Variants in GLIS3 observed in about 807,000 individuals in gnomAD.
The protein encoded by GLIS3 is zinc finger protein GLIS3.
GLIS3 carries 53 observed loss-of-function variants against 78.6 expected under a neutral mutation model. That is an observed-to-expected ratio of 0.67 (90% CI 0.54 to 0.85). The LOEUF (loss-of-function observed/expected upper bound fraction) is 0.85, where lower values mean the gene tolerates loss of function less well. Among genes scored for constraint, GLIS3 ranks in the 40% least tolerant of loss-of-function variants. The pLI, the probability that GLIS3 is intolerant of heterozygous loss-of-function variation, is 0.00. For synonymous variants in GLIS3, 684 were observed against 509.9 expected (o/e 1.34, Z -4.60); for missense variants, 1,703 against 1,231.1 (o/e 1.38, Z -5.74).
chr9:4,440,896 T>A, the GLIS3 span, among the ~76,000 whole-genome samples: 3 of 152,198 alleles, frequency 2.0e-5, no homozygotes, highest in Admixed American at 2.0e-4. Flanking sequence ...AATTTATTTC[T>A]AGTTATTTTT....
chr9:4,226,761 G>A (rs1821803928), intron 2 of GLIS3, among the ~76,000 whole-genome samples: 1 of 152,184 alleles, frequency 6.6e-6, no homozygotes, highest in Admixed American at 6.5e-5. Context: ...AAATGAGTAA[G>A]GAGTAACAAT....
intron 8 of GLIS3, among the ~76,000 whole-genome samples, chr9:3,873,235 C>T (rs184502782): frequency 6.6e-5 from 10 of 152,290 alleles, no homozygotes; most frequent in African/African-American, 2.4e-4. Flanking sequence ...TTCCATGAGG[C>T]CAGCATCACC....
At chr9:4,463,917 G>C in the GLIS3 span, among the ~76,000 whole-genome samples, 5 of 152,134 alleles carry the variant, frequency 3.3e-5, no homozygotes, top group African/African-American at 1.2e-4. Context: ...CCATGAGTGA[G>C]AACTGAGTGA....
intron 2 of GLIS3, among the ~76,000 whole-genome samples, chr9:4,162,761 G>A (rs1344611882): frequency 6.6e-6 from 1 of 150,702 alleles, no homozygotes; most frequent in South Asian, 2.1e-4. Flanking sequence ...GGAGGCTGAG[G>A]CAGAAGAATG....
intron 2 of GLIS3, among the ~76,000 whole-genome samples, chr9:4,166,452 A>T (rs80334230): frequency 0.022 from 3,369 of 152,306 alleles, 125 homozygotes; most frequent in African/African-American, 0.077. Flanking sequence ...ATGATATTTG[A>T]TCACTTAAGA....
chr9:3,992,597 T>C (rs17753622), intron 4 of GLIS3, among the ~76,000 whole-genome samples: 3,196 of 152,332 alleles, frequency 0.021, 60 homozygotes, highest in South Asian at 0.03. Flanking sequence ...ATTTCCATTA[T>C]TAAGGAGTAA....
At chr9:4,342,172 A>G (rs1046627713) in intron 2 of GLIS3, among the ~76,000 whole-genome samples, 6 of 152,214 alleles carry the variant, frequency 3.9e-5, no homozygotes, top group Non-Finnish European at 8.8e-5. Flanking sequence ...GTCAAGGCCT[A>G]TGTCCAGAAT....
rs535073721 is a variant in GLIS3 at position 3,922,544 on chromosome 9, T to C, written c.1983+9816A>G. On this transcript the variant is annotated intron_variant, in intron 6 of 10. Transcript: ENST00000381971. ...ATGATATAACAACACTGCTACTACC[T>C]GGCTTATTTATATTTTTTCTACAGG... Among the ~76,000 whole-genome samples, 13 of 152,296 alleles carry C rather than the reference T, an allele frequency of 8.5e-5. No individual in the cohort carries two copies. In the South Asian group the frequency reaches 2.7e-3, roughly 32 times the overall value.
At chr9:4,107,089 A>C (rs1282530626) in intron 4 of GLIS3, among the ~76,000 whole-genome samples, 2 of 152,176 alleles carry the variant, frequency 1.3e-5, no homozygotes, top group Non-Finnish European at 2.9e-5. Flanking sequence ...ACTGGAAAGA[A>C]AAAAAATAAA....
At chr9:3,919,426 G>C (rs1588226726) in intron 6 of GLIS3, among the ~76,000 whole-genome samples, 1 of 152,058 alleles carries the variant, frequency 6.6e-6, no homozygotes, top group African/African-American at 2.4e-5. Context: ...ACTTATAAGT[G>C]AGAACATGAG....
rs1171779151 is a variant in GLIS3, at chr9:4,286,519, T to C, written c.-94A>G. 16 of 1,448,142 alleles carry C rather than the reference T, an allele frequency of 1.1e-5. 1 individual carries two copies. Among genetic ancestry groups the C allele is most frequent in the Middle Eastern group, 2.0e-4 (1 of 4,928 alleles). 89.7% of individuals were successfully genotyped at this position (1,448,142 alleles called of 1,614,324 possible). A position where few individuals can be genotyped will look rare whatever the true frequency, so the allele number is the denominator to read the frequency against. ...AATAAGTTATCCATGGTGTGGGTTA[T>C]AAGCCTGTTTAAAAAAATAAACGCA... On this transcript the variant is annotated 5_prime_UTR_variant, in exon 2 of 11. Transcript: ENST00000381971.
chr9:3,855,999 T>C lies in GLIS3; in HGVS notation c.2473+10A>G. ...TTCAAAACTCAAGGGACTGCCAGCT[T>C]CTTGCTTACCATGGACATGGATACC... On this transcript the variant is annotated intron_variant, in intron 9 of 10. Coordinates refer to ENST00000381971, the MANE Select transcript of GLIS3 (RefSeq NM_001042413.2). 2 of 1,614,150 alleles carry C rather than the reference T, an allele frequency of 1.2e-6. No individual in the cohort carries two copies. The highest frequency in any genetic ancestry group is 1.7e-6 in the Non-Finnish European group (2 of 1,179,972).
At chr9:4,008,796 A>G (rs1821765132) in intron 4 of GLIS3, among the ~76,000 whole-genome samples, 1 of 152,192 alleles carries the variant, frequency 6.6e-6, no homozygotes, top group African/African-American at 2.4e-5. Context: ...GAGTTGAAAG[A>G]AACTTTAGAG....
At chr9:3,898,966 CA>C in intron 6 of GLIS3, 131 bp from the exon 7 acceptor site, 1 of 1,098,884 alleles carries the variant, frequency 9.1e-7, no homozygotes, top group Non-Finnish European at 1.4e-6. Context: ...ACGGGTAAGG[CA>C]CAGAGCTTAA....
the GLIS3 span, among the ~76,000 whole-genome samples, chr9:4,439,507 A>T: frequency 1.3e-5 from 2 of 151,718 alleles, no homozygotes; most frequent in African/African-American, 2.4e-5. Flanking sequence ...CTGGGCAAAA[A>T]TTTTTTCCTC....
chr9:3,859,211 C>A (rs1819994746), intron 8 of GLIS3, among the ~76,000 whole-genome samples: 1 of 152,094 alleles, frequency 6.6e-6, no homozygotes, highest in Non-Finnish European at 1.5e-5. Context: ...CAAAAGCAAA[C>A]AAACAAACAG....
At chr9:4,380,538 C>T in the GLIS3 span, among the ~76,000 whole-genome samples, 1 of 152,146 alleles carries the variant, frequency 6.6e-6, no homozygotes, top group African/African-American at 2.4e-5. Flanking sequence ...TTTGCATAAT[C>T]AGAATCACAT....
At chr9:4,215,610 C>G (rs978830899) in intron 2 of GLIS3, among the ~76,000 whole-genome samples, 1 of 152,212 alleles carries the variant, frequency 6.6e-6, no homozygotes, top group African/African-American at 2.4e-5. Flanking sequence ...TCGCCTGGGT[C>G]TATTCCACAG....
At chr9:4,444,851 T>A in the GLIS3 span, among the ~76,000 whole-genome samples, 1 of 152,196 alleles carries the variant, frequency 6.6e-6, no homozygotes, top group Non-Finnish European at 1.5e-5. Flanking sequence ...GGATAAATTG[T>A]CTGAAAAGAG....
Sources: gnomAD v4.1 joint callset for allele counts (sites outside exome capture counted in the v4.1 genomes callset) on GRCh38, gnomAD v4.1.1 for gene constraint, MANE v1.5 for transcripts, NCBI Gene and HGNC (gene_info 2026-07-23, HGNC 2026-07-21) for gene names.